TNRC6C: variants seen among roughly 807,000 people sequenced by gnomAD.
TNRC6C encodes the protein trinucleotide repeat-containing gene 6C protein.
TNRC6C carries 20 observed loss-of-function variants against 153.7 expected under a neutral mutation model. The observed-to-expected ratio is 0.13, with a 90% CI of 0.09 to 0.19. The LOEUF is 0.19. TNRC6C is among the 10% of genes least tolerant of loss of function. The probability of loss-of-function intolerance (pLI) is 1.00; values close to 1 mark genes in which losing one functional copy is unlikely to be tolerated. For synonymous variants in TNRC6C, 811 were observed against 841.4 expected (o/e 0.96, Z 0.63); for missense variants, 1,987 against 2,172.0 (o/e 0.91, Z 1.69).
intron 7 of TNRC6C, among the ~76,000 whole-genome samples, chr17:78,074,428 G>A (rs1598760222): frequency 6.6e-6 from 1 of 152,192 alleles, no homozygotes; most frequent in East Asian, 1.9e-4. Context: ...AATGAGGATA[G>A]ACTGCAGACT....
intron 16 of TNRC6C, among the ~76,000 whole-genome samples, chr17:78,094,299 T>A (rs540216102): frequency 1.3e-5 from 2 of 152,282 alleles, no homozygotes; most frequent in South Asian, 4.1e-4. Flanking sequence ...TATCACAGCA[T>A]GCTATTTTGT....
chr17:78,008,050 C>T (rs2071553814), intron 1 of TNRC6C, among the ~76,000 whole-genome samples: 1 of 152,166 alleles, frequency 6.6e-6, no homozygotes. Flanking sequence ...AGAATATTAA[C>T]TAGTCTAATC....
chr17:78,070,437 A>G (rs1366897383), intron 5 of TNRC6C, among the ~76,000 whole-genome samples: 3 of 152,168 alleles, frequency 2.0e-5, no homozygotes, highest in Non-Finnish European at 4.4e-5. Flanking sequence ...GAACCTTTGC[A>G]TTTATAGGCT....
chr17:78,107,493 CTA>C (rs1396717777), exon 20 of TNRC6C: 1 of 152,184 alleles, frequency 6.6e-6, no homozygotes, highest in Non-Finnish European at 1.5e-5. Context: ...TCAAAAGACA[CTA>C]TGGATGTCTA....
At chr17:78,078,173 C>A (rs550373789) in intron 9 of TNRC6C, among the ~76,000 whole-genome samples, 1 of 152,150 alleles carries the variant, frequency 6.6e-6, no homozygotes, top group Non-Finnish European at 1.5e-5. Flanking sequence ...CTGACATTGC[C>A]CCCTTGGTGG....
intron 1 of TNRC6C, among the ~76,000 whole-genome samples, chr17:78,018,336 G>A (rs2071768109): frequency 6.6e-6 from 1 of 152,114 alleles, no homozygotes; most frequent in African/African-American, 2.4e-5. Flanking sequence ...CACCATATTG[G>A]CCAGGCTGGT....
intron 1 of TNRC6C, among the ~76,000 whole-genome samples, chr17:77,987,466 G>A (rs2071185679): frequency 6.6e-6 from 1 of 152,172 alleles, no homozygotes; most frequent in Non-Finnish European, 1.5e-5. Context: ...TAGGAAGTCT[G>A]TTTCTGGAAA....
chr17:77,990,094 G>A (rs1235897215), intron 1 of TNRC6C, among the ~76,000 whole-genome samples: 4 of 152,066 alleles, frequency 2.6e-5, no homozygotes, highest in Admixed American at 6.6e-5. Context: ...AGAAGCCTAC[G>A]GATTGTTCTT....
rs868493343 is a variant in TNRC6C at position 78,029,700 on chromosome 17, A to G, written c.-545-1816A>G. Among the ~76,000 whole-genome samples, 7 of 152,318 alleles carry G rather than the reference A, an allele frequency of 4.6e-5. No individual in the cohort carries two copies. In the South Asian group the frequency reaches 1.0e-3, roughly 23 times the overall value. On this transcript the variant is annotated intron_variant, in intron 1 of 19. Coordinates refer to ENST00000301624, the Ensembl canonical transcript of TNRC6C. The stretch of plus-strand genomic sequence containing the variant: ...CATAATAACACTTAGCTTAAAAGAC[A>G]CATTGCACAGCTGTACAAAAAATAT...
At chr17:78,032,235 A>G (rs1042546276) in intron 2 of TNRC6C, among the ~76,000 whole-genome samples, 3 of 152,234 alleles carry the variant, frequency 2.0e-5, no homozygotes, top group Non-Finnish European at 4.4e-5. Flanking sequence ...AGGGAGGTAC[A>G]GATCCTTCCA....
intron 1 of TNRC6C, among the ~76,000 whole-genome samples, chr17:78,009,259 C>CT (rs2071578368): frequency 6.6e-6 from 1 of 152,042 alleles, no homozygotes; most frequent in Admixed American, 6.5e-5. Flanking sequence ...ATTTTTGGCA[C>CT]TGCCCTTAAT....
intron 2 of TNRC6C, among the ~76,000 whole-genome samples, chr17:78,047,058 G>A (rs1019152672): frequency 6.6e-6 from 1 of 152,080 alleles, no homozygotes; most frequent in Non-Finnish European, 1.5e-5. Flanking sequence ...CTCGGTGTGG[G>A]TTGCAGTGAG....
intron 1 of TNRC6C, among the ~76,000 whole-genome samples, chr17:78,020,237 C>G (rs992941639): frequency 6.6e-6 from 1 of 152,234 alleles, no homozygotes; most frequent in Non-Finnish European, 1.5e-5. Flanking sequence ...ATAGCATTAG[C>G]ATTGCAAGCT....
At chr17:78,066,467 C>T (rs2072881888) in intron 4 of TNRC6C, 1 of 151,840 alleles carries the variant, frequency 6.6e-6, no homozygotes, top group African/African-American at 2.4e-5. Flanking sequence ...GATAAGGGAA[C>T]TTGTGAGTAT....
intron 16 of TNRC6C, 131 bp from the exon 20 acceptor site, chr17:78,098,212 G>A: frequency 1.1e-6 from 1 of 946,476 alleles, no homozygotes; most frequent in Non-Finnish European, 1.5e-6. Context: ...CCAGGGGCTT[G>A]ACTTGGTGTT....
chr17:77,999,466 TA>T (rs1244821897), upstream of TNRC6C, among the ~76,000 whole-genome samples: 1 of 152,238 alleles, frequency 6.6e-6, no homozygotes, highest in African/African-American at 2.4e-5. Context: ...GTTTATATTA[TA>T]CTTTGTCCAG....
chr17:78,075,901 A>T lies in TNRC6C; in HGVS notation c.3060+623A>T, dbSNP rs1167444024. Among the ~76,000 whole-genome samples the T allele has an allele frequency of 6.6e-6, 1 of 151,922 alleles. No homozygotes were observed. The highest frequency in any genetic ancestry group is 1.5e-5 in the Non-Finnish European group (1 of 67,982). On this transcript the variant is annotated intron_variant, in intron 8 of 19. Coordinates refer to ENST00000301624, the Ensembl canonical transcript of TNRC6C. The surrounding 1 kb of genome is among the most constrained non-coding windows in gnomAD (Gnocchi z 4.2). ...GAAAATAAAATTGAAGTAAGGAAGG[A>T]CACATTAAAAAAAAAAGATCAACAA...
chr17:77,960,892 A>G (rs912114474), intron 1 of TNRC6C, among the ~76,000 whole-genome samples: 1 of 152,198 alleles, frequency 6.6e-6, no homozygotes, highest in African/African-American at 2.4e-5. Flanking sequence ...CTTTACCTAT[A>G]CTGAAAGTTT....
At chr17:78,011,825 A>G (rs2071637188) in intron 1 of TNRC6C, among the ~76,000 whole-genome samples, 1 of 152,228 alleles carries the variant, frequency 6.6e-6, no homozygotes, top group Non-Finnish European at 1.5e-5. Flanking sequence ...TGGTATGGTC[A>G]TCTTCATAAT....
Sources: allele counts gnomAD v4.1 joint callset (sites outside exome capture counted in the v4.1 genomes callset), GRCh38; gene constraint gnomAD v4.1.1; non-coding constraint Gnocchi (gnomAD v3.1); transcripts MANE v1.5; gene names NCBI Gene and HGNC (gene_info 2026-07-23, HGNC 2026-07-21).